The following ZNF91 variants were observed in gnomAD, a reference collection of about 807,000 sequenced individuals.
ZNF91 encodes zinc finger protein 91 (HPF7, HTF10).
In ZNF91, 7 loss-of-function variants were observed where a neutral mutation model predicts 12.6. The ratio of observed to expected loss-of-function variants is 0.55; its 90% confidence interval spans 0.31 to 1.04. ZNF91 has a LOEUF of 1.04. ZNF91 is among the 50% of genes least tolerant of loss of function. ZNF91 has a pLI of 0.05. For missense variants in ZNF91, 1,217 were observed against 1,385.4 expected (o/e 0.88, Z 1.93); for synonymous variants, 453 against 462.6 (o/e 0.98, Z 0.27).
At chr19:23,329,190 T>C (rs1967886398) in intron 1 of ZNF91, 1 of 152,216 alleles carries the variant, frequency 6.6e-6, no homozygotes, top group African/African-American at 2.4e-5. Flanking sequence ...CCTGAGCTTT[T>C]GAATGATTTT....
chr19:23,328,405 G>A (rs1388750868), intron 1 of ZNF91: 2 of 152,194 alleles, frequency 1.3e-5, no homozygotes, highest in East Asian at 3.8e-4. Context: ...GAATGCTTCA[G>A]AGAACAGCTG....
Position 23,373,847 on chromosome 19 carries a change from T to G in ZNF91, c.158-10A>C. 6.3e-7 allele frequency: 1 copy of G among 1,588,286 alleles called. No homozygotes were observed. Among genetic ancestry groups the G allele is most frequent in the Non-Finnish European group, 8.6e-7 (1 of 1,165,624 alleles). ...TTAGAGAGAGCAATACCTGTTTTAT[T>G]AAAAATAACTAACATGAGTCTTGCT... On this transcript the variant is annotated splice_polypyrimidine_tract_variant and intron_variant, in intron 2 of 3. Coordinates refer to ENST00000300619, the MANE Select transcript of ZNF91 (RefSeq NM_003430.4).
At chr19:23,373,900 T>C in intron 2 of ZNF91, 63 bp from the exon 3 acceptor site, 3 of 1,216,326 alleles carry the variant, frequency 2.5e-6, no homozygotes, top group Non-Finnish European at 3.5e-6. Flanking sequence ...AACTTAGTAA[T>C]GTGCTCAGTA....
intron 1 of ZNF91, among the ~76,000 whole-genome samples, chr19:23,331,022 T>G (rs1967920800): frequency 6.6e-6 from 1 of 152,230 alleles, no homozygotes; most frequent in South Asian, 2.1e-4. Flanking sequence ...GATAAGCCAC[T>G]CATAGCTACT....
chr19:23,360,433 G>A lies in ZNF91; in HGVS notation c.2546C>T (p.Ala849Val), dbSNP rs1599721408. Residue 849 changes from alanine (A) to valine (V), a missense_variant, in exon 4 of 4, where the codon GCT becomes GTT. Transcript: ENST00000300619. ...CTCACATTTGTAGAGTTTCTCTCCA[G>A]CATGTATTATTTTATGTTTAGCAAG... ...SALAKHKIIH[A>V]GEKLYKCEEC... The A allele has an allele frequency of 1.2e-6, 2 of 1,613,834 alleles. No individual in the cohort carries two copies. The highest frequency in any genetic ancestry group is 2.7e-5 in the African/African-American group (2 of 74,872).
chr19:23,323,725 C>CCTT (rs201037201), intron 1 of ZNF91, among the ~76,000 whole-genome samples: 42,690 of 145,064 alleles, frequency 0.29, 6,550 homozygotes, highest in African/African-American at 0.39. Flanking sequence ...TTCTTCTACG[C>CCTT]CTTCTCCTCA....
chr19:23,381,527 T>G (rs923241259), intron 1 of ZNF91, among the ~76,000 whole-genome samples: 9 of 151,282 alleles, frequency 5.9e-5, no homozygotes, highest in Non-Finnish European at 1.2e-4. Flanking sequence ...AACGGCATGA[T>G]CTCGGCTCAC....
Position 23,360,185 on chromosome 19 carries a change from G to A in ZNF91, c.2794C>T (p.His932Tyr). The A allele has an allele frequency of 6.2e-7, 1 of 1,613,884 alleles. No individual in the cohort carries two copies. The highest frequency in any genetic ancestry group is 8.5e-7 in the Non-Finnish European group (1 of 1,180,008). The change falls in exon 4 of 4, where the codon CAC becomes TAC. Residue 932 changes from histidine (H) to tyrosine (Y), a missense_variant. Coordinates refer to ENST00000300619, the MANE Select transcript of ZNF91 (RefSeq NM_003430.4). ...PSHLTTHKRM[H>Y]TGEKPYKCEE... ...CATTTGTAGGGTTTCTCTCCAGTGT[G>A]CATCCTCTTATGTGTAGTAAGGTGT... is the stretch of plus-strand genomic sequence containing the variant.
intron 1 of ZNF91, among the ~76,000 whole-genome samples, chr19:23,394,669 G>T (rs1294417905): frequency 6.6e-6 from 1 of 152,012 alleles, no homozygotes. Context: ...CAGAGGTTGC[G>T]GTGAGCCGAG....
At chr19:23,339,818 C>A (rs1968086230) in intron 3 of ZNF91, 1 of 151,694 alleles carries the variant, frequency 6.6e-6, no homozygotes, top group South Asian at 2.1e-4. Context: ...GTGGTGTGCA[C>A]CTATGGTCCT....
chr19:23,354,292 G>C (rs1240070611), downstream of ZNF91, among the ~76,000 whole-genome samples: 1 of 152,006 alleles, frequency 6.6e-6, no homozygotes, highest in Non-Finnish European at 1.5e-5. Flanking sequence ...TTCATACCAG[G>C]TATGCAGGGA....
intron 1 of ZNF91, chr19:23,384,745 G>A: frequency 3.2e-6 from 2 of 621,944 alleles, no homozygotes; most frequent in Non-Finnish European, 5.9e-6. Context: ...CTAGGAGAAA[G>A]CACACCTGGG....
At chr19:23,391,299 CTTAAGT>C (rs1599762820) in intron 1 of ZNF91, among the ~76,000 whole-genome samples, 3 of 152,074 alleles carry the variant, frequency 2.0e-5, no homozygotes, top group Admixed American at 1.3e-4. Context: ...TCTAACTGAA[CTTAAGT>C]TTATTTTCTT....
chr19:23,318,411 T>C (rs1967614689), intron 1 of ZNF91, among the ~76,000 whole-genome samples: 1 of 152,172 alleles, frequency 6.6e-6, no homozygotes, highest in Admixed American at 6.5e-5. Context: ...GATGTGACTC[T>C]TCTATTCTTT....
intron 1 of ZNF91, among the ~76,000 whole-genome samples, chr19:23,377,126 A>G (rs1472348878): frequency 2.0e-5 from 3 of 151,954 alleles, no homozygotes; most frequent in East Asian, 3.9e-4. Context: ...GACATCAGCA[A>G]TTTCTGCTAC....
intron 1 of ZNF91, among the ~76,000 whole-genome samples, chr19:23,331,756 T>C (rs1412482937): frequency 2.6e-5 from 4 of 152,232 alleles, no homozygotes; most frequent in Non-Finnish European, 4.4e-5. Flanking sequence ...TTTTGTGTTA[T>C]GCTAAGAGAA....
At chr19:23,348,270 T>C (rs568133539) in intron 3 of ZNF91, among the ~76,000 whole-genome samples, 1 of 152,324 alleles carries the variant, frequency 6.6e-6, no homozygotes, top group East Asian at 1.9e-4. Context: ...AAATCATGTA[T>C]GGCTGAATGT....
intron 1 of ZNF91, chr19:23,385,031 G>C (rs1599756275): frequency 2.5e-6 from 3 of 1,220,986 alleles, no homozygotes; most frequent in East Asian, 2.3e-5. Context: ...GTCCACCAGG[G>C]AGACACCTCA....
At chr19:23,317,410 A>C (rs1418801400) in intron 1 of ZNF91, among the ~76,000 whole-genome samples, 2 of 152,088 alleles carry the variant, frequency 1.3e-5, no homozygotes, top group African/African-American at 4.8e-5. Flanking sequence ...GGACCTAGCC[A>C]ATTGGAGAGA....
Sources: allele counts gnomAD v4.1 joint callset (sites outside exome capture counted in the v4.1 genomes callset), GRCh38; gene constraint gnomAD v4.1.1; transcripts MANE v1.5; gene names NCBI Gene and HGNC (gene_info 2026-07-23, HGNC 2026-07-21).